VPS13D: variants seen among roughly 807,000 people sequenced by gnomAD.
VPS13D encodes the protein intermembrane lipid transfer protein VPS13D.
VPS13D carries 187 observed loss-of-function variants against 461.9 expected under a neutral mutation model. The ratio of observed to expected loss-of-function variants is 0.40; its 90% confidence interval spans 0.36 to 0.46. The LOEUF (loss-of-function observed/expected upper bound fraction) is 0.46. VPS13D is among the 20% of genes least tolerant of loss of function. The probability of loss-of-function intolerance (pLI) is 0.60; values close to 1 mark genes in which losing one functional copy is unlikely to be tolerated. For missense variants in VPS13D, 4,711 were observed against 5,364.9 expected (o/e 0.88, Z 3.81); for synonymous variants, 1,951 against 1,986.3 (o/e 0.98, Z 0.47).
At chr1:12,350,289 A>T (rs1426765199) in intron 46 of VPS13D, among the ~76,000 whole-genome samples, 1 of 152,210 alleles carries the variant, frequency 6.6e-6, no homozygotes, top group Admixed American at 6.5e-5. Flanking sequence ...TAAAACAAAG[A>T]TCAATAAATA....
At chr1:12,322,491 C>A (rs1438380330) in intron 33 of VPS13D, 45 bp from the exon 34 acceptor site, 2 of 1,588,868 alleles carry the variant, frequency 1.3e-6, no homozygotes, top group East Asian at 2.2e-5. Context: ...GGATGTAAAA[C>A]CAATGCAGCT....
At chr1:12,394,395 G>A (rs1644468322) in intron 60 of VPS13D, among the ~76,000 whole-genome samples, 3 of 152,160 alleles carry the variant, frequency 2.0e-5, no homozygotes, top group Non-Finnish European at 4.4e-5. Flanking sequence ...TATTCTGATT[G>A]CCACTTTGCC....
At chr1:12,427,804 G>A (rs1167808990) in intron 65 of VPS13D, among the ~76,000 whole-genome samples, 3 of 152,122 alleles carry the variant, frequency 2.0e-5, no homozygotes, top group East Asian at 1.9e-4. Context: ...TCACAACATC[G>A]TCTCCATATT....
chr1:12,470,869 G>A (rs1004638677), intron 67 of VPS13D, among the ~76,000 whole-genome samples: 59 of 152,102 alleles, frequency 3.9e-4, no homozygotes, highest in Non-Finnish European at 1.8e-4. Context: ...TCATTACCGG[G>A]TCCGTTACAG....
chr1:12,362,847 A>T lies in VPS13D; in HGVS notation c.10269A>T (p.Gly3423=). The change falls in exon 51 of 70, where the codon GGA becomes GGT. Residue 3423 remains glycine (G), a synonymous_variant. Transcript: ENST00000620676. ...LAFAQREFAR[G]QGTANPEGYI... ...TTGCACAGAGGGAATTTGCCAGGGG[A>T]CAGGTGAGCAGTTTGCTTTTGAAGG... 2 of 1,614,098 alleles carry T rather than the reference A, an allele frequency of 1.2e-6. No individual in the cohort carries two copies. Among genetic ancestry groups the T allele is most frequent in the Non-Finnish European group, 1.7e-6 (2 of 1,180,010 alleles).
At chr1:12,239,030 A>G (rs535533347) in intron 2 of VPS13D, among the ~76,000 whole-genome samples, 28 of 152,278 alleles carry the variant, frequency 1.8e-4, no homozygotes, top group African/African-American at 6.3e-4. Flanking sequence ...TTAAATGATT[A>G]TTCTGGAAAT....
chr1:12,432,911 A>G (rs926420882), intron 65 of VPS13D, among the ~76,000 whole-genome samples: 1 of 152,154 alleles, frequency 6.6e-6, no homozygotes, highest in African/African-American at 2.4e-5. Context: ...TCCTCCTTCT[A>G]AAGGGAACCC....
chr1:12,428,781 C>T (rs1012193395), intron 65 of VPS13D, among the ~76,000 whole-genome samples: 3 of 152,248 alleles, frequency 2.0e-5, no homozygotes, highest in Non-Finnish European at 2.9e-5. Flanking sequence ...CAACATTTCT[C>T]ACATCACCAA....
At chr1:12,290,713 A>C (rs1642105877) in intron 22 of VPS13D, among the ~76,000 whole-genome samples, 1 of 148,114 alleles carries the variant, frequency 6.8e-6, no homozygotes, top group South Asian at 2.1e-4. Context: ...ACAGAGCTAG[A>C]CTCTGTCTAA....
At chr1:12,244,718 G>A in intron 5 of VPS13D, 101 bp downstream of exon 5, 2 of 1,128,898 alleles carry the variant, frequency 1.8e-6, no homozygotes, top group South Asian at 2.9e-5. Context: ...GGGCTCAGCT[G>A]ATCTAGGGTG....
intron 50 of VPS13D, among the ~76,000 whole-genome samples, chr1:12,359,634 A>T (rs1643921442): frequency 6.6e-6 from 1 of 152,222 alleles, no homozygotes; most frequent in South Asian, 2.1e-4. Flanking sequence ...ATTTATCCTG[A>T]GTCCCATGGA....
chr1:12,331,065 C>T (rs1403787705), intron 37 of VPS13D, among the ~76,000 whole-genome samples: 1 of 152,200 alleles, frequency 6.6e-6, no homozygotes, highest in Non-Finnish European at 1.5e-5. Context: ...CAAGCATTTT[C>T]AGGTTTCTTT....
intron 21 of VPS13D, among the ~76,000 whole-genome samples, chr1:12,284,384 TAATG>T (rs1641901644): frequency 6.6e-6 from 1 of 152,246 alleles, no homozygotes. Flanking sequence ...AATAAGGATT[TAATG>T]AATGGTAGCC....
rs1645177019 is a variant in VPS13D, at chr1:12,445,136, A to T, written c.12334-10862A>T. Among the ~76,000 whole-genome samples, 2 of 152,206 alleles carry T rather than the reference A, an allele frequency of 1.3e-5. 1 individual carries two copies. Among genetic ancestry groups the T allele is most frequent in the East Asian group, 3.9e-4 (2 of 5,194 alleles). ...GACAGTGTGTGTGAGGTAGAAAGTA[A>T]TCAGCTTCAACCCCTGGAGTCACAA... On this transcript the variant is annotated intron_variant, in intron 65 of 69. Coordinates refer to ENST00000620676, the MANE Select transcript of VPS13D (RefSeq NM_015378.4).
intron 65 of VPS13D, among the ~76,000 whole-genome samples, chr1:12,431,864 A>G (rs910531742): frequency 1.3e-5 from 2 of 152,156 alleles, no homozygotes; most frequent in African/African-American, 2.4e-5. Context: ...TGAAAGCAGA[A>G]CAAGACCTGC....
chr1:12,267,428 G>A (rs777205419), intron 14 of VPS13D, among the ~76,000 whole-genome samples: 5 of 152,008 alleles, frequency 3.3e-5, no homozygotes, highest in African/African-American at 7.3e-5. Context: ...TATAATATAC[G>A]TTATTAACGA....
At chr1:12,251,310 T>C (rs560975765) in intron 6 of VPS13D, among the ~76,000 whole-genome samples, 1 of 152,378 alleles carries the variant, frequency 6.6e-6, no homozygotes, top group African/African-American at 2.4e-5. Flanking sequence ...TTTCCATATC[T>C]AGTTATTCAC....
At position 12,395,996 on chromosome 1, in the gene VPS13D, GATATAT is replaced by G. The variant is rs58476786; in HGVS notation, c.11635-4157_11635-4152del. On this transcript the variant is annotated intron_variant, in intron 60 of 69. Coordinates refer to ENST00000620676, the MANE Select transcript of VPS13D (RefSeq NM_015378.4). ...TCTTAGAGGGATAGAACTAATAGGA[GATATAT>G]ATATATATATATATATATATATATA... 9.8e-4 allele frequency among the ~76,000 whole-genome samples: 72 copies of G among 73,772 alleles called. 3 individuals carry two copies. The highest frequency in any genetic ancestry group is 6.8e-3 in the Middle Eastern group (1 of 146). 48.4% of individuals were successfully genotyped at this position (73,772 alleles called of 152,430 possible). A position where few individuals can be genotyped will look rare whatever the true frequency, so the allele number is the denominator to read the frequency against.
At chr1:12,306,907 A>C (rs570480068) in intron 26 of VPS13D, among the ~76,000 whole-genome samples, 2 of 152,180 alleles carry the variant, frequency 1.3e-5, no homozygotes, top group Non-Finnish European at 2.9e-5. Flanking sequence ...CCCACCGCTG[A>C]TCTGACAGTA....
Sources: allele counts gnomAD v4.1 joint callset (sites outside exome capture counted in the v4.1 genomes callset), GRCh38; gene constraint gnomAD v4.1.1; transcripts MANE v1.5; gene names NCBI Gene and HGNC (gene_info 2026-07-23, HGNC 2026-07-21).